Variants in LGR5 observed in about 807,000 individuals in gnomAD.
The protein encoded by LGR5 is leucine-rich repeat-containing G protein-coupled receptor 5.
A neutral mutation model predicts 76.7 loss-of-function variants in LGR5; 54 were observed. The observed-to-expected ratio is 0.70, with a 90% CI of 0.57 to 0.88. LGR5 has a LOEUF of 0.88. Among genes scored for constraint, LGR5 ranks in the 40% least tolerant of loss-of-function variants. LGR5 has a pLI of 0.00. For synonymous variants in LGR5, 406 were observed against 421.9 expected (o/e 0.96, Z 0.46); for missense variants, 1,078 against 1,073.3 (o/e 1.00, Z -0.06).
intron 2 of LGR5, among the ~76,000 whole-genome samples, chr12:71,523,251 GAT>G (rs1447211603): frequency 1.3e-5 from 2 of 152,146 alleles, no homozygotes; most frequent in Non-Finnish European, 2.9e-5. Context: ...CTCCTTTAAA[GAT>G]AGTATCAAAG....
intron 2 of LGR5, among the ~76,000 whole-genome samples, chr12:71,512,648 T>C (rs1010508594): frequency 2.0e-5 from 3 of 152,052 alleles, no homozygotes; most frequent in South Asian, 2.1e-4. Context: ...TGGTTGAACA[T>C]AGGGACTAAA....
chr12:71,467,704 A>C (rs1565665480), intron 1 of LGR5, among the ~76,000 whole-genome samples: 1 of 152,246 alleles, frequency 6.6e-6, no homozygotes, highest in East Asian at 1.9e-4. Context: ...CCGATTTGGC[A>C]GGTTGCATGC....
At chr12:71,497,413 G>A (rs1874383430) in intron 1 of LGR5, among the ~76,000 whole-genome samples, 1 of 151,720 alleles carries the variant, frequency 6.6e-6, no homozygotes, top group South Asian at 2.1e-4. Flanking sequence ...AGGGAGGAAG[G>A]AAAATTTATC....
intron 2 of LGR5, among the ~76,000 whole-genome samples, chr12:71,516,531 T>A (rs1875449890): frequency 6.6e-6 from 1 of 152,188 alleles, no homozygotes. Flanking sequence ...CCAGATCTTG[T>A]ACACATACCT....
chr12:71,529,385 A>G (rs768635879), intron 3 of LGR5, among the ~76,000 whole-genome samples: 1 of 152,026 alleles, frequency 6.6e-6, no homozygotes, highest in Non-Finnish European at 1.5e-5. Context: ...ACACTCTTAA[A>G]CCATCAGATC....
intron 1 of LGR5, among the ~76,000 whole-genome samples, chr12:71,445,241 C>T (rs193246926): frequency 6.6e-6 from 1 of 152,164 alleles, no homozygotes; most frequent in African/African-American, 2.4e-5. Context: ...TTCCTCACTC[C>T]AGTTGCAATA....
intron 2 of LGR5, among the ~76,000 whole-genome samples, chr12:71,513,133 C>T (rs975112400): frequency 1.3e-5 from 2 of 151,982 alleles, no homozygotes; most frequent in Non-Finnish European, 2.9e-5. Context: ...GATGGCAATG[C>T]ACACTAAAAT....
rs543975149 is a variant in LGR5 at position 71,574,670 on chromosome 12, A to G, written c.1208+1749A>G. Among the ~76,000 whole-genome samples, 19 of 152,270 alleles carry G rather than the reference A, an allele frequency of 1.2e-4. 1 individual carries two copies. The South Asian group carries it at 3.9e-3, about 32-fold the overall frequency. On this transcript the variant is annotated intron_variant, in intron 13 of 17. Transcript: ENST00000266674. The stretch of plus-strand genomic sequence containing the variant: ...TCCCAGCAACACTCTTCAAAATCTG[A>G]TTCCAGCCTCCTGGTACAGTGTCAT...
intron 2 of LGR5, among the ~76,000 whole-genome samples, chr12:71,507,057 C>T (rs562171769): frequency 2.3e-4 from 35 of 152,152 alleles, no homozygotes; most frequent in Admixed American, 7.9e-4. Flanking sequence ...TTACTGTGTG[C>T]CAATCACTGT....
At chr12:71,502,069 TA>T (rs1874631880) in intron 1 of LGR5, among the ~76,000 whole-genome samples, 1 of 152,152 alleles carries the variant, frequency 6.6e-6, no homozygotes, top group African/African-American at 2.4e-5. Flanking sequence ...CAGCCTGTAT[TA>T]GAAAACAGGT....
chr12:71,542,072 C>T (rs943368926), intron 4 of LGR5, among the ~76,000 whole-genome samples: 42 of 152,158 alleles, frequency 2.8e-4, no homozygotes, highest in Non-Finnish European at 5.1e-4. Flanking sequence ...AATATCAAAG[C>T]GTGAGCCAGT....
intron 1 of LGR5, among the ~76,000 whole-genome samples, chr12:71,468,709 C>CTTTTTTTT (rs538254378): frequency 4.3e-5 from 3 of 70,068 alleles, no homozygotes; most frequent in East Asian, 4.0e-4. Flanking sequence ...GTGGTAGCCT[C>CTTTTTTTT]TTTTTTTTTT....
chr12:71,565,609 AC>A (rs1878305196), intron 8 of LGR5, among the ~76,000 whole-genome samples: 2 of 148,378 alleles, frequency 1.3e-5, no homozygotes, highest in African/African-American at 5.0e-5. Context: ...TCTTCTTCAA[AC>A]CCCCAGCATC....
At chr12:71,582,256 C>A in intron 16 of LGR5, 200 bp from the exon 17 acceptor site, 3 of 509,618 alleles carry the variant, frequency 5.9e-6, no homozygotes, top group Non-Finnish European at 1.1e-5. Flanking sequence ...TCCCTCACCC[C>A]CAGTTGTACT....
chr12:71,563,082 A>C (rs1449837223), intron 8 of LGR5, among the ~76,000 whole-genome samples: 1 of 151,402 alleles, frequency 6.6e-6, no homozygotes, highest in East Asian at 1.9e-4. Context: ...GTTTTTCATC[A>C]CTCTTTTGAT....
chr12:71,488,587 C>A (rs116345433), intron 1 of LGR5, among the ~76,000 whole-genome samples: 1,738 of 152,240 alleles, frequency 0.011, 34 homozygotes, highest in African/African-American at 0.04. Context: ...TATACTTTGG[C>A]AAAATGCATC....
At chr12:71,521,326 T>C (rs1406749464) in intron 2 of LGR5, among the ~76,000 whole-genome samples, 1 of 152,196 alleles carries the variant, frequency 6.6e-6, no homozygotes, top group African/African-American at 2.4e-5. Context: ...GGGTCCATCC[T>C]GATTCGATTA....
chr12:71,474,667 G>A (rs115837111), intron 1 of LGR5, among the ~76,000 whole-genome samples: 74 of 152,266 alleles, frequency 4.9e-4, no homozygotes, highest in Middle Eastern at 3.4e-3. Flanking sequence ...TCTAGATTAT[G>A]TCCTTGCCTG....
intron 4 of LGR5, among the ~76,000 whole-genome samples, chr12:71,549,670 T>C (rs10784925): frequency 0.12 from 18,341 of 152,170 alleles, 1,548 homozygotes; most frequent in East Asian, 0.43. Context: ...TTTAGACCAC[T>C]GAGGCCAGGT....
Sources: gnomAD v4.1 joint callset for allele counts (sites outside exome capture counted in the v4.1 genomes callset) on GRCh38, gnomAD v4.1.1 for gene constraint, MANE v1.5 for transcripts, NCBI Gene and HGNC (gene_info 2026-07-23, HGNC 2026-07-21) for gene names.